MRTFB: variants seen among roughly 807,000 people sequenced by gnomAD.
MRTFB encodes myocardin-related transcription factor B.
In MRTFB, 29 loss-of-function variants were observed where a neutral mutation model predicts 104.2. The ratio of observed to expected loss-of-function variants is 0.28; its 90% CI spans 0.21 to 0.38. MRTFB has a LOEUF of 0.38. MRTFB is among the 10% of genes least tolerant of loss of function. The pLI, the probability that MRTFB is intolerant of heterozygous loss-of-function variation, is 1.00. For missense variants in MRTFB, 1,270 were observed against 1,341.6 expected (o/e 0.95, Z 0.83); for synonymous variants, 535 against 519.5 (o/e 1.03, Z -0.41).
Position 14,252,522 on chromosome 16 carries a change from T to A in MRTFB, c.2703+20T>A. On this transcript the variant is annotated intron_variant, in intron 15 of 16. Coordinates refer to ENST00000571589, the MANE Select transcript of MRTFB (RefSeq NM_001308142.2). ...CCAGAGGTAAGTGAGGGCACGGTCA[T>A]GGTGCATAAGGCTATGGTGGATGTG... The A allele has an allele frequency of 6.2e-7, 1 of 1,613,736 alleles. No individual in the cohort carries two copies. The highest frequency in any genetic ancestry group is 1.7e-5 in the Admixed American group (1 of 59,984).
At chr16:14,023,423 T>C in the MRTFB span, among the ~76,000 whole-genome samples, 2 of 151,624 alleles carry the variant, frequency 1.3e-5, no homozygotes. Context: ...CCAGGCTGGG[T>C]GACAAAATAA....
chr16:14,003,442 G>A, the MRTFB span, among the ~76,000 whole-genome samples: 1 of 152,032 alleles, frequency 6.6e-6, no homozygotes, highest in Non-Finnish European at 1.5e-5. Flanking sequence ...CTTCCCTGCC[G>A]TGGTTTGGAA....
chr16:14,059,411 C>A, the MRTFB span, among the ~76,000 whole-genome samples: 2 of 152,120 alleles, frequency 1.3e-5, no homozygotes, highest in South Asian at 2.1e-4. Flanking sequence ...GCCTTGTAAG[C>A]TATAGGCTTT....
chr16:14,181,204 A>AT (rs76675685), intron 3 of MRTFB, among the ~76,000 whole-genome samples: 2 of 151,770 alleles, frequency 1.3e-5, no homozygotes, highest in Non-Finnish European at 2.9e-5. Context: ...ATAAAAAAAA[A>AT]TTTTTTTTTA....
At chr16:14,171,410 T>C (rs2039418543) in intron 3 of MRTFB, among the ~76,000 whole-genome samples, 1 of 151,912 alleles carries the variant, frequency 6.6e-6, no homozygotes, top group Non-Finnish European at 1.5e-5. Flanking sequence ...CAGAAGACTC[T>C]CTTGAACGTG....
intron 2 of MRTFB, among the ~76,000 whole-genome samples, chr16:14,091,883 T>C (rs2035089344): frequency 6.7e-6 from 1 of 150,214 alleles, no homozygotes; most frequent in Admixed American, 6.7e-5. Flanking sequence ...TAATCCCAGC[T>C]ACTCAGGGGG....
At chr16:14,166,680 C>T (rs1339503142) in intron 3 of MRTFB, among the ~76,000 whole-genome samples, 15 of 151,356 alleles carry the variant, frequency 9.9e-5, no homozygotes, top group Non-Finnish European at 2.9e-5. Context: ...CCCCCGACAG[C>T]CCCCAGTGTG....
chr16:14,074,105 G>C (rs536296938), intron 1 of MRTFB, among the ~76,000 whole-genome samples: 1 of 152,146 alleles, frequency 6.6e-6, no homozygotes, highest in Non-Finnish European at 1.5e-5. Flanking sequence ...TTGATGTAAG[G>C]TGTTTATTAT....
intron 3 of MRTFB, among the ~76,000 whole-genome samples, chr16:14,178,063 A>G (rs1451328779): frequency 6.6e-6 from 1 of 152,094 alleles, no homozygotes; most frequent in East Asian, 1.9e-4. Flanking sequence ...GTGAGGGAAA[A>G]TGAAAATATC....
chr16:14,052,450 T>C, the MRTFB span, among the ~76,000 whole-genome samples: 1 of 152,072 alleles, frequency 6.6e-6, no homozygotes, highest in Non-Finnish European at 1.5e-5. Flanking sequence ...TATTTTGAAA[T>C]ATACAGGCCG....
intron 16 of MRTFB, among the ~76,000 whole-genome samples, chr16:14,260,691 T>G (rs1408808267): frequency 6.6e-6 from 1 of 152,198 alleles, no homozygotes; most frequent in African/African-American, 2.4e-5. Flanking sequence ...CAAAAAGGAA[T>G]GTAATAAACT....
At chr16:14,048,387 A>G in the MRTFB span, among the ~76,000 whole-genome samples, 11 of 152,246 alleles carry the variant, frequency 7.2e-5, no homozygotes, top group Non-Finnish European at 1.2e-4. Flanking sequence ...CTCGTGACCC[A>G]GAGCCAGCTC....
chr16:14,176,977 C>T (rs1360884970), intron 3 of MRTFB, among the ~76,000 whole-genome samples: 1 of 152,170 alleles, frequency 6.6e-6, no homozygotes, highest in African/African-American at 2.4e-5. Flanking sequence ...CTGAAAGAGA[C>T]TGATACTGGA....
intron 16 of MRTFB, 32 bp from the exon 17 acceptor site, chr16:14,260,877 C>G: frequency 1.3e-6 from 2 of 1,536,208 alleles, no homozygotes; most frequent in South Asian, 2.5e-5. Flanking sequence ...AGTAAATCTT[C>G]AGTTACTAAT....
chr16:14,211,936 C>G (rs1426253472), intron 4 of MRTFB, among the ~76,000 whole-genome samples: 1 of 152,114 alleles, frequency 6.6e-6, no homozygotes. Flanking sequence ...AATGATACCT[C>G]AAATCTGTTG....
chr16:14,256,110 CAAAA>C (rs201182839), intron 15 of MRTFB, among the ~76,000 whole-genome samples: 11 of 73,450 alleles, frequency 1.5e-4, no homozygotes, highest in East Asian at 7.2e-4. Flanking sequence ...GAGACTGTCT[CAAAA>C]AAAAAAAAAA....
chr16:14,173,848 G>A (rs1391602042), intron 3 of MRTFB, among the ~76,000 whole-genome samples: 2 of 151,848 alleles, frequency 1.3e-5, no homozygotes, highest in South Asian at 4.2e-4. Flanking sequence ...ATTTTTCTCT[G>A]ATCACTGCTT....
At chr16:14,029,305 G>A in the MRTFB span, among the ~76,000 whole-genome samples, 112 of 149,944 alleles carry the variant, frequency 7.5e-4, no homozygotes, top group South Asian at 0.02. Flanking sequence ...GACTTTATGC[G>A]TTAAAAATAT....
At chr16:14,210,708 T>G (rs1176296595) in intron 4 of MRTFB, among the ~76,000 whole-genome samples, 2 of 152,212 alleles carry the variant, frequency 1.3e-5, no homozygotes, top group Admixed American at 1.3e-4. Flanking sequence ...TAGTTCCAGT[T>G]AATTATATTT....
Sources: allele counts gnomAD v4.1 joint callset (sites outside exome capture counted in the v4.1 genomes callset), GRCh38; gene constraint gnomAD v4.1.1; transcripts MANE v1.5; gene names NCBI Gene and HGNC (gene_info 2026-07-23, HGNC 2026-07-21).